FAIM: variants seen among roughly 807,000 people sequenced by gnomAD.
FAIM encodes Fas apoptotic inhibitory molecule, also known as fas apoptotic inhibitory molecule 1.
A neutral mutation model predicts 21.2 loss-of-function variants in FAIM; 14 were observed. That is an observed-to-expected ratio of 0.66 (90% CI 0.44 to 1.03). FAIM has a LOEUF of 1.03. FAIM is among the 50% of genes least tolerant of loss of function. The pLI is 0.00. For missense variants in FAIM, 222 were observed against 247.1 expected, an observed-to-expected ratio of 0.90 and a Z score of 0.68; for synonymous variants, 86 against 80.4, an observed-to-expected ratio of 1.07 and a Z score of -0.37.
chr3:138,609,588 T>TCC (rs1560491034), intron 1 of FAIM, among the ~76,000 whole-genome samples: 9 of 30,686 alleles, frequency 2.9e-4, no homozygotes, highest in East Asian at 3.8e-3. Flanking sequence ...ACTCTCTCTC[T>TCC]CTCGACTCTC....
intron 1 of FAIM, among the ~76,000 whole-genome samples, chr3:138,617,812 A>C (rs1020527475): frequency 1.6e-4 from 23 of 146,188 alleles, no homozygotes; most frequent in Non-Finnish European, 2.8e-4. Context: ...TTTTGGACAT[A>C]GATACTATTT....
intron 1 of FAIM, among the ~76,000 whole-genome samples, chr3:138,615,701 G>A (rs552706611): frequency 6.6e-6 from 1 of 152,252 alleles, no homozygotes; most frequent in South Asian, 2.1e-4. Flanking sequence ...GATTTTCCCT[G>A]ATATGAATGG....
At chr3:138,626,317 C>T (rs1248202400) in intron 4 of FAIM, among the ~76,000 whole-genome samples, 1 of 152,158 alleles carries the variant, frequency 6.6e-6, no homozygotes, top group African/African-American at 2.4e-5. Context: ...AATCAAAATG[C>T]TATTAAAAGA....
At chr3:138,609,610 CTCGA>C (rs1560491126) in intron 1 of FAIM, among the ~76,000 whole-genome samples, 1 of 103,478 alleles carries the variant, frequency 9.7e-6, no homozygotes, top group Non-Finnish European at 1.8e-5. Flanking sequence ...CTCTCTCTCT[CTCGA>C]CTCTCTCTCT....
At chr3:138,627,204 C>A (rs1340139789) in intron 4 of FAIM, among the ~76,000 whole-genome samples, 1 of 146,974 alleles carries the variant, frequency 6.8e-6, no homozygotes, top group African/African-American at 2.5e-5. Context: ...TTTCCCAAGA[C>A]AGGATCTCAC....
chr3:138,609,821 G>A (rs1257710044), intron 1 of FAIM, among the ~76,000 whole-genome samples: 1 of 152,124 alleles, frequency 6.6e-6, no homozygotes, highest in Non-Finnish European at 1.5e-5. Flanking sequence ...GTTTTTGAGC[G>A]TGATCATTTC....
At chr3:138,615,167 C>T (rs1018971301) in intron 1 of FAIM, among the ~76,000 whole-genome samples, 2 of 152,206 alleles carry the variant, frequency 1.3e-5, no homozygotes, top group South Asian at 4.1e-4. Context: ...ACAATGAAGT[C>T]TTGGCTGTCT....
intron 1 of FAIM, among the ~76,000 whole-genome samples, chr3:138,616,598 A>G (rs1458101748): frequency 6.6e-6 from 1 of 152,072 alleles, no homozygotes; most frequent in Non-Finnish European, 1.5e-5. Context: ...GCTTCAAATG[A>G]TTCTCCTGTC....
intron 3 of FAIM, 87 bp downstream of exon 3, chr3:138,621,626 G>T: frequency 1.6e-6 from 2 of 1,262,278 alleles, no homozygotes; most frequent in Non-Finnish European, 1.1e-6. Context: ...GTGAATTCAG[G>T]GCTTTTTTTT....
intron 1 of FAIM, among the ~76,000 whole-genome samples, chr3:138,609,578 ACTCTCTCTCTCTCGACT>A (rs2042740062): frequency 0.017 from 80 of 4,674 alleles, 1 homozygote; most frequent in African/African-American, 0.06. Flanking sequence ...CTCTCTCTCG[ACTCTCTCTCTCTCGACT>A]CTCTCTCTCT....
intron 1 of FAIM, among the ~76,000 whole-genome samples, chr3:138,615,608 C>G (rs1235138043): frequency 6.6e-6 from 1 of 152,114 alleles, no homozygotes; most frequent in Non-Finnish European, 1.5e-5. Context: ...ACCTAAATCT[C>G]TATTTTATTT....
Position 138,620,955 on chromosome 3 carries a change from G to A in FAIM, c.45-452G>A, listed in dbSNP as rs370753232. Among the ~76,000 whole-genome samples, 6 of 152,108 alleles carry A rather than the reference G, an allele frequency of 3.9e-5. No individual in the cohort carries two copies. The East Asian group carries it at 7.7e-4, about 19-fold the overall frequency. On this transcript the variant is annotated intron_variant, in intron 2 of 5. Transcript: ENST00000360570. ...CTTTTTGTTAAAACAAATCCCTAGTGCGAGTTTAAGTATGGGAGGTTTGGA... is the reference window on the plus strand; with the variant it reads ...CTTTTTGTTAAAACAAATCCCTAGTACGAGTTTAAGTATGGGAGGTTTGGA...
chr3:138,633,059 A>C lies in FAIM; in HGVS notation c.586A>C (p.Ile196Leu). ...TACTCTCATTGTGGATAATAGAGAA[A>C]TCCCAGAGATTGCAAGTTAATGAAT... ...IHTLIVDNRE[I>L]PEIAS The change falls in exon 6 of 6, where the codon ATC becomes CTC. Residue 196 changes from isoleucine to leucine, a missense_variant. Ile to Leu is a conservative substitution (Grantham distance 5). Transcript: ENST00000360570. 2 of 1,612,630 alleles carry C rather than the reference A, an allele frequency of 1.2e-6. No homozygotes were observed. Among genetic ancestry groups the C allele is most frequent in the Non-Finnish European group, 1.7e-6 (2 of 1,179,484 alleles).
At chr3:138,617,734 C>T (rs1376564702) in intron 1 of FAIM, among the ~76,000 whole-genome samples, 6 of 141,382 alleles carry the variant, frequency 4.2e-5, no homozygotes, top group Non-Finnish European at 7.6e-5. Flanking sequence ...TGTGTATATA[C>T]GTGTGTGTGT....
intron 1 of FAIM, among the ~76,000 whole-genome samples, chr3:138,614,468 TTC>T (rs1475278744): frequency 2.0e-5 from 3 of 151,946 alleles, no homozygotes; most frequent in Non-Finnish European, 2.9e-5. Context: ...AAGGATTTTC[TTC>T]AAATTTCTGA....
chr3:138,616,483 C>T (rs1268865690), intron 1 of FAIM, among the ~76,000 whole-genome samples: 5 of 152,036 alleles, frequency 3.3e-5, no homozygotes, highest in African/African-American at 9.7e-5. Context: ...TAGAATCGAG[C>T]GATCCTCCCT....
chr3:138,611,949 T>C (rs1450821196), intron 1 of FAIM, among the ~76,000 whole-genome samples: 1 of 152,188 alleles, frequency 6.6e-6, no homozygotes, highest in Non-Finnish European at 1.5e-5. Context: ...GGGTATTCCT[T>C]TGTAGCAGCA....
intron 3 of FAIM, among the ~76,000 whole-genome samples, chr3:138,621,966 T>C (rs1323147411): frequency 6.6e-6 from 1 of 151,928 alleles, no homozygotes; most frequent in African/African-American, 2.4e-5. Context: ...GTATTTTTAG[T>C]AGAGACGGGG....
At chr3:138,615,307 C>T (rs73868104) in intron 1 of FAIM, among the ~76,000 whole-genome samples, 1,838 of 152,258 alleles carry the variant, frequency 0.012, 40 homozygotes, top group African/African-American at 0.043. Flanking sequence ...CATTATAAGC[C>T]GGGGACCATC....
Sources: allele counts gnomAD v4.1 joint callset (sites outside exome capture counted in the v4.1 genomes callset), GRCh38; gene constraint gnomAD v4.1.1; transcripts MANE v1.5; gene names NCBI Gene and HGNC (gene_info 2026-07-23, HGNC 2026-07-21).